Variants in DSCAM observed in about 807,000 individuals in gnomAD.
DSCAM encodes the protein cell adhesion molecule DSCAM.
A neutral mutation model predicts 217.7 loss-of-function variants in DSCAM; 47 were observed. That is an observed-to-expected ratio of 0.22 (90% CI 0.17 to 0.28). The LOEUF (loss-of-function observed/expected upper bound fraction) is 0.28, where lower values mean the gene tolerates loss of function less well. Ranked by LOEUF, DSCAM falls within the 10% of genes least tolerant of loss-of-function variation. The probability of loss-of-function intolerance (pLI) is 1.00; values close to 1 mark genes in which losing one functional copy is unlikely to be tolerated. For missense variants in DSCAM, 2,080 were observed against 2,618.3 expected, an observed-to-expected ratio of 0.79 and a Z score of 4.49; for synonymous variants, 1,056 against 1,015.3, an observed-to-expected ratio of 1.04 and a Z score of -0.76.
intron 1 of DSCAM, among the ~76,000 whole-genome samples, chr21:40,743,673 A>T (rs1195666165): frequency 1.3e-5 from 2 of 152,172 alleles, no homozygotes; most frequent in Non-Finnish European, 2.9e-5. Context: ...GATACAAGAG[A>T]GTTATTCTGA....
intron 3 of DSCAM, among the ~76,000 whole-genome samples, chr21:40,532,782 A>T (rs946445889): frequency 6.6e-6 from 1 of 152,060 alleles, no homozygotes; most frequent in African/African-American, 2.4e-5. Context: ...TGGAGAAGAG[A>T]GAACTTGGGG....
chr21:40,620,366 AAAAGAAAG>A (rs71186951), intron 3 of DSCAM, among the ~76,000 whole-genome samples: 1 of 124,794 alleles, frequency 8.0e-6, no homozygotes, highest in Admixed American at 7.7e-5. Context: ...AGAAAAAAGA[AAAAGAAAG>A]AAAGAAAGAA....
chr21:40,209,985 C>T (rs746302517), intron 11 of DSCAM, among the ~76,000 whole-genome samples: 28 of 152,186 alleles, frequency 1.8e-4, no homozygotes, highest in East Asian at 7.7e-4. Context: ...AAAGTTAAGA[C>T]GTTTTATAAT....
At chr21:40,200,914 A>T (rs1333818954) in intron 11 of DSCAM, among the ~76,000 whole-genome samples, 1 of 152,222 alleles carries the variant, frequency 6.6e-6, no homozygotes, top group Non-Finnish European at 1.5e-5. Context: ...CCAAATACTT[A>T]TTGTTCATAA....
chr21:40,384,729 A>T (rs2075065465), intron 3 of DSCAM: 1 of 152,304 alleles, frequency 6.6e-6, no homozygotes, highest in Admixed American at 6.5e-5. Context: ...GCTACAGGGG[A>T]TCTCTCAGGC....
intron 3 of DSCAM, among the ~76,000 whole-genome samples, chr21:40,452,032 C>T (rs2075723958): frequency 6.6e-6 from 1 of 151,960 alleles, no homozygotes; most frequent in Non-Finnish European, 1.5e-5. Context: ...TATGAAGTAC[C>T]GATAGGCCCC....
chr21:40,766,830 C>CA (rs2123366208), intron 1 of DSCAM, among the ~76,000 whole-genome samples: 1 of 151,914 alleles, frequency 6.6e-6, no homozygotes, highest in East Asian at 1.9e-4. Context: ...GCTGGAATTA[C>CA]AGGTGCATGC....
At chr21:40,228,896 A>C (rs113113820) in intron 11 of DSCAM, among the ~76,000 whole-genome samples, 2,426 of 152,282 alleles carry the variant, frequency 0.016, 81 homozygotes, top group African/African-American at 0.054. Flanking sequence ...GTGTATACTA[A>C]CACATGTATA....
chr21:40,825,506 CG>C (rs1336944917), intron 1 of DSCAM, among the ~76,000 whole-genome samples: 1 of 151,908 alleles, frequency 6.6e-6, no homozygotes, highest in Non-Finnish European at 1.5e-5. Context: ...TTAGTAGAGA[CG>C]GGGTTTCACC....
chr21:40,390,570 T>C (rs1043288069), intron 3 of DSCAM, among the ~76,000 whole-genome samples: 4 of 152,158 alleles, frequency 2.6e-5, no homozygotes, highest in Non-Finnish European at 5.9e-5. Flanking sequence ...TTCTTTTCCA[T>C]TTCTGGAGGC....
intron 3 of DSCAM, among the ~76,000 whole-genome samples, chr21:40,486,660 C>A (rs1318035511): frequency 6.6e-6 from 1 of 152,038 alleles, no homozygotes; most frequent in African/African-American, 2.4e-5. Context: ...TGCACACAGA[C>A]CTTAATACAG....
chr21:40,626,371 T>A (rs1000107604), intron 3 of DSCAM, among the ~76,000 whole-genome samples: 2 of 152,136 alleles, frequency 1.3e-5, no homozygotes, highest in Non-Finnish European at 2.9e-5. Flanking sequence ...ATAACCCCCA[T>A]CTGATCTCTC....
intron 3 of DSCAM, among the ~76,000 whole-genome samples, chr21:40,453,729 T>C (rs546360447): frequency 6.6e-6 from 1 of 152,338 alleles, no homozygotes; most frequent in Admixed American, 6.5e-5. Context: ...AAGAAACATT[T>C]ATATTGAAAT....
intron 3 of DSCAM, among the ~76,000 whole-genome samples, chr21:40,458,702 A>G (rs1283876848): frequency 1.3e-5 from 2 of 152,204 alleles, no homozygotes; most frequent in Non-Finnish European, 2.9e-5. Flanking sequence ...GATTTAAACA[A>G]CATAGTTAGA....
intron 20 of DSCAM, among the ~76,000 whole-genome samples, chr21:40,098,018 T>G (rs915718401): frequency 4.8e-5 from 5 of 104,848 alleles, no homozygotes; most frequent in East Asian, 5.8e-4. Context: ...AAGAAAGAAA[T>G]GTACTTGAAA....
In DSCAM at chr21:40,137,262, TGG is replaced by T. The variant is rs11300114; in HGVS notation, c.3407-3255_3407-3254del. 2.7e-3 allele frequency among the ~76,000 whole-genome samples: 364 copies of T among 133,198 alleles called. 6 individuals carry two copies. In the South Asian group the frequency reaches 0.036, roughly 13 times the overall value. 87.4% of individuals were successfully genotyped at this position (133,198 alleles called of 152,430 possible). On this transcript the variant is annotated intron_variant, in intron 18 of 32. Coordinates refer to ENST00000400454, the MANE Select transcript of DSCAM (RefSeq NM_001389.5). ...TTAATATACTAATTAGAATTAACAT[TGG>T]GGGGGGGGTTCAAGTTATTTTGATT...
At position 40,803,541 on chromosome 21, in the gene DSCAM, CG is replaced by C. The variant is rs1248356039; in HGVS notation, c.43+43077del. Among the ~76,000 whole-genome samples, 5 of 152,282 alleles carry C rather than the reference CG, an allele frequency of 3.3e-5. No homozygotes were observed. In the East Asian group the frequency reaches 9.6e-4, roughly 29 times the overall value. On this transcript the variant is annotated intron_variant, in intron 1 of 32. Transcript: ENST00000400454. ...TGCAACACCCTCTAGTCACTGATCT[CG>C]GGCCCCCAGACTCCCCCTTCTCTTT...
chr21:40,674,224 C>A (rs2090310472), intron 3 of DSCAM, among the ~76,000 whole-genome samples: 1 of 152,260 alleles, frequency 6.6e-6, no homozygotes, highest in Non-Finnish European at 1.5e-5. Flanking sequence ...GGAGATGATT[C>A]ACTAGTCTTA....
At chr21:40,272,521 T>C (rs1347114035) in intron 11 of DSCAM, among the ~76,000 whole-genome samples, 1 of 152,202 alleles carries the variant, frequency 6.6e-6, no homozygotes, top group East Asian at 1.9e-4. Flanking sequence ...ATTGTTAAAA[T>C]GCTTTATTTT....
Sources: allele counts gnomAD v4.1 joint callset (sites outside exome capture counted in the v4.1 genomes callset), GRCh38; gene constraint gnomAD v4.1.1; transcripts MANE v1.5; gene names NCBI Gene and HGNC (gene_info 2026-07-23, HGNC 2026-07-21).